TUSC3: variants seen among roughly 807,000 people sequenced by gnomAD.
TUSC3 encodes tumor suppressor candidate 3.
A neutral mutation model predicts 44.8 loss-of-function variants in TUSC3; 45 were observed. The observed-to-expected ratio is 1.00, with a 90% CI of 0.79 to 1.29. TUSC3 has a LOEUF of 1.29. Ranked by LOEUF, TUSC3 falls within the 50% of genes most tolerant of loss-of-function variation. The probability of loss-of-function intolerance (pLI) is 0.00; values close to 1 mark genes in which losing one functional copy is unlikely to be tolerated. For missense variants in TUSC3, 519 were observed against 437.9 expected, an observed-to-expected ratio of 1.19 and a Z score of -1.65; for synonymous variants, 212 against 152.9, an observed-to-expected ratio of 1.39 and a Z score of -2.85.
chr8:15,743,470 T>G (rs1371049906), intron 7 of TUSC3, 68 bp from the exon 8 acceptor site: 10 of 1,517,044 alleles, frequency 6.6e-6, no homozygotes, highest in Non-Finnish European at 9.2e-6. Flanking sequence ...AACATTGTGT[T>G]CAGAGCCAGA....
intron 2 of TUSC3, among the ~76,000 whole-genome samples, chr8:15,512,910 ATATG>A (rs1377996002): frequency 8.9e-6 from 1 of 111,870 alleles, no homozygotes; most frequent in Non-Finnish European, 1.8e-5. Context: ...CGGTGTATAT[ATATG>A]TATCTATATA....
exon 2 of TUSC3, chr8:15,483,409 C>G (rs1191244949): frequency 1.7e-5 from 3 of 175,324 alleles, no homozygotes; most frequent in African/African-American, 7.2e-5. Context: ...GGCACCATCT[C>G]GACTCACCAC....
intron 9 of TUSC3, among the ~76,000 whole-genome samples, chr8:15,756,268 C>T (rs1811924133): frequency 1.3e-5 from 2 of 152,064 alleles, no homozygotes; most frequent in South Asian, 4.2e-4. Context: ...GCTCTAGTTA[C>T]CTCTCTCTCT....
chr8:15,617,757 T>A (rs1257415027), intron 1 of TUSC3, among the ~76,000 whole-genome samples: 1 of 152,218 alleles, frequency 6.6e-6, no homozygotes, highest in Non-Finnish European at 1.5e-5. Flanking sequence ...TGCAGTCAAG[T>A]TCAGTTGTTA....
At chr8:15,819,385 T>C in the TUSC3 span, among the ~76,000 whole-genome samples, 1 of 18,074 alleles carries the variant, frequency 5.5e-5, no homozygotes, top group African/African-American at 1.5e-4. Flanking sequence ...CTTGGTTTTA[T>C]TGAATTTTCT....
chr8:15,796,464 T>C, the TUSC3 span, among the ~76,000 whole-genome samples: 1 of 152,190 alleles, frequency 6.6e-6, no homozygotes, highest in Non-Finnish European at 1.5e-5. Flanking sequence ...CCAAGGACTA[T>C]ACTGGCCAGA....
intron 2 of TUSC3, among the ~76,000 whole-genome samples, chr8:15,523,084 A>C (rs1041220223): frequency 6.6e-6 from 1 of 152,144 alleles, no homozygotes; most frequent in African/African-American, 2.4e-5. Context: ...GTCATGGGTA[A>C]GTGCTACTAA....
At chr8:15,667,043 G>C (rs1807692442) in intron 5 of TUSC3, among the ~76,000 whole-genome samples, 1 of 151,450 alleles carries the variant, frequency 6.6e-6, no homozygotes, top group Non-Finnish European at 1.5e-5. Flanking sequence ...CTGAGTTTTT[G>C]CTTATCTTAT....
intron 1 of TUSC3, among the ~76,000 whole-genome samples, chr8:15,449,539 G>T (rs1431885989): frequency 6.6e-6 from 1 of 152,112 alleles, no homozygotes; most frequent in African/African-American, 2.4e-5. Context: ...GTTAAAATCA[G>T]TGGTGGAGGA....
chr8:15,761,141 C>G (rs1812153492), intron 10 of TUSC3, among the ~76,000 whole-genome samples: 1 of 152,148 alleles, frequency 6.6e-6, no homozygotes, highest in Admixed American at 6.6e-5. Flanking sequence ...ATAGCTAACA[C>G]TTGCGTGTTT....
At chr8:15,798,889 T>C in the TUSC3 span, among the ~76,000 whole-genome samples, 1 of 152,162 alleles carries the variant, frequency 6.6e-6, no homozygotes, top group Non-Finnish European at 1.5e-5. Flanking sequence ...TTTTCCATGG[T>C]GATGCTGCTG....
At chr8:15,585,589 C>G (rs1238256399) in intron 1 of TUSC3, among the ~76,000 whole-genome samples, 1 of 152,128 alleles carries the variant, frequency 6.6e-6, no homozygotes, top group Non-Finnish European at 1.5e-5. Flanking sequence ...TCTTGTAGCT[C>G]CACCCTGTCT....
In TUSC3 at chr8:15,597,905, G is replaced by C. The variant is rs530995802; in HGVS notation, c.139-25175G>C. Among the ~76,000 whole-genome samples the C allele has an allele frequency of 1.8e-4, 28 of 152,098 alleles. No individual in the cohort carries two copies. The East Asian group carries it at 5.2e-3, about 28-fold the overall frequency. On this transcript the variant is annotated intron_variant, in intron 1 of 10. Coordinates refer to ENST00000503731, the MANE Select transcript of TUSC3 (RefSeq NM_006765.4). ...TAGTTAATATTGTCCTTTAATTTTA[G>C]ATAATAGTATATAGTAAATGTTTAT...
At position 15,748,388 on chromosome 8, in the gene TUSC3, G is replaced by A; in HGVS notation, c.951G>A (p.Val317=). 1 of 1,613,318 alleles carries A rather than the reference G, an allele frequency of 6.2e-7. No individual in the cohort carries two copies. Among genetic ancestry groups the A allele is most frequent in the Non-Finnish European group, 8.5e-7 (1 of 1,179,430 alleles). ...DVGKRRIICL[V]GLGLVVFFFS... is the part of the protein sequence containing the mutation. The stretch of plus-strand genomic sequence containing the variant: ...GTCTGTTTCTAGTAATTTGCCTAGT[G>A]GGATTGGGCCTGGTGGTCTTCTTCT... Residue 317 remains valine (V), a synonymous_variant, in exon 9 of 11, where the codon GTG becomes GTA. Coordinates refer to ENST00000503731, the MANE Select transcript of TUSC3 (RefSeq NM_006765.4).
At chr8:15,633,416 A>G (rs984552198) in intron 2 of TUSC3, among the ~76,000 whole-genome samples, 7 of 152,122 alleles carry the variant, frequency 4.6e-5, no homozygotes, top group African/African-American at 1.7e-4. Flanking sequence ...TATATGTGGA[A>G]TTGTTTCTTT....
chr8:15,750,172 A>G (rs1213772256), intron 9 of TUSC3, among the ~76,000 whole-genome samples: 1 of 151,510 alleles, frequency 6.6e-6, no homozygotes, highest in Non-Finnish European at 1.5e-5. Context: ...GTAGACGCAG[A>G]GTTTCACTGT....
At chr8:15,775,228 T>C in the TUSC3 span, among the ~76,000 whole-genome samples, 1 of 152,102 alleles carries the variant, frequency 6.6e-6, no homozygotes, top group Non-Finnish European at 1.5e-5. Context: ...AGTATATCAT[T>C]CCTTTTATAT....
chr8:15,744,655 C>T (rs554877030), intron 8 of TUSC3, among the ~76,000 whole-genome samples: 7 of 152,060 alleles, frequency 4.6e-5, no homozygotes, highest in Non-Finnish European at 1.0e-4. Flanking sequence ...GTTTAGACTG[C>T]CCTCTTTTCC....
the TUSC3 span, among the ~76,000 whole-genome samples, chr8:15,827,752 G>C: frequency 2.0e-4 from 30 of 152,204 alleles, no homozygotes; most frequent in African/African-American, 7.2e-4. Context: ...CATACCCTGA[G>C]TCTCACTGAT....
Sources: allele counts gnomAD v4.1 joint callset (sites outside exome capture counted in the v4.1 genomes callset), GRCh38; gene constraint gnomAD v4.1.1; transcripts MANE v1.5; gene names NCBI Gene and HGNC (gene_info 2026-07-23, HGNC 2026-07-21).